Variants in PTPN11 observed in about 807,000 individuals in gnomAD.
PTPN11 encodes the protein tyrosine-protein phosphatase non-receptor type 11.
PTPN11 carries 6 observed loss-of-function variants against 78.8 expected under a neutral mutation model. The observed-to-expected ratio is 0.08, with a 90% CI of 0.04 to 0.15. The LOEUF (loss-of-function observed/expected upper bound fraction) is 0.15, where lower values mean the gene tolerates loss of function less well. PTPN11 is among the 10% of genes least tolerant of loss of function. The pLI is 1.00. For missense variants in PTPN11, 386 were observed against 744.8 expected (o/e 0.52, Z 5.61); for synonymous variants, 221 against 263.5 (o/e 0.84, Z 1.56).
At chr12:112,436,229 CATA>C (rs1416202537) in intron 1 of PTPN11, among the ~76,000 whole-genome samples, 3 of 152,126 alleles carry the variant, frequency 2.0e-5, no homozygotes, top group Non-Finnish European at 2.9e-5. Flanking sequence ...ATTAATGAAA[CATA>C]ATCTATGGTA....
Position 112,457,757 on chromosome 12 carries a change from C to A in PTPN11, c.756+1694C>A, listed in dbSNP as rs183116484. Among the ~76,000 whole-genome samples, 5 of 152,330 alleles carry A rather than the reference C, an allele frequency of 3.3e-5. No homozygotes were observed. In the East Asian group the frequency reaches 9.6e-4, roughly 29 times the overall value. On this transcript the variant is annotated intron_variant, in intron 6 of 15. Transcript: ENST00000351677. The stretch of plus-strand genomic sequence containing the variant: ...GGAGAATGTCCCTGATGGGAATGTG[C>A]TGTGTTCCCATTGCACTCTTCTATA...
At chr12:112,455,842 C>T (rs1424178460) in intron 5 of PTPN11, 108 bp from the exon 6 acceptor site, 33 of 727,470 alleles carry the variant, frequency 4.5e-5, no homozygotes, top group South Asian at 3.9e-4. Context: ...ACCCTCTGTC[C>T]GTGCCTTTAT....
chr12:112,454,885 T>C, intron 5 of PTPN11: 2 of 606,912 alleles, frequency 3.3e-6, no homozygotes, highest in Non-Finnish European at 6.0e-6. Context: ...AGTGTTGCAA[T>C]CTTGGCTCAC....
intron 3 of PTPN11, among the ~76,000 whole-genome samples, chr12:112,451,067 T>G (rs1013864239): frequency 1.3e-5 from 2 of 152,244 alleles, no homozygotes; most frequent in African/African-American, 4.8e-5. Flanking sequence ...GTGTTGGAAC[T>G]AGGCTGATGA....
At chr12:112,471,668 T>C (rs1173958144) in intron 6 of PTPN11, among the ~76,000 whole-genome samples, 1 of 148,450 alleles carries the variant, frequency 6.7e-6, no homozygotes, top group Non-Finnish European at 1.5e-5. Flanking sequence ...GAGAACACAG[T>C]GGGAAAAAAA....
At chr12:112,445,892 G>A (rs1036644206) in intron 1 of PTPN11, among the ~76,000 whole-genome samples, 5 of 151,916 alleles carry the variant, frequency 3.3e-5, no homozygotes, top group African/African-American at 7.3e-5. Flanking sequence ...TGCCTGCCTC[G>A]GCCTCCCAAA....
chr12:112,436,362 A>G (rs931162679), intron 1 of PTPN11, among the ~76,000 whole-genome samples: 1 of 152,162 alleles, frequency 6.6e-6, no homozygotes, highest in African/African-American at 2.4e-5. Context: ...TAATTCATTA[A>G]TTCTCATTTC....
intron 1 of PTPN11, among the ~76,000 whole-genome samples, chr12:112,438,094 G>A (rs1417898438): frequency 3.9e-5 from 6 of 152,080 alleles, no homozygotes; most frequent in African/African-American, 1.2e-4. Flanking sequence ...GTTTCTGGGG[G>A]TGGTTTTAGA....
intron 13 of PTPN11, among the ~76,000 whole-genome samples, chr12:112,493,665 A>G (rs991456976): frequency 1.2e-4 from 19 of 152,262 alleles, no homozygotes; most frequent in Non-Finnish European, 2.5e-4. Flanking sequence ...CTGAGATTAC[A>G]GGCATGAGCC....
chr12:112,472,260 C>CTACA (rs1199581642), intron 6 of PTPN11, among the ~76,000 whole-genome samples: 1 of 152,096 alleles, frequency 6.6e-6, no homozygotes, highest in Non-Finnish European at 1.5e-5. Flanking sequence ...GTAGCTGGGA[C>CTACA]TACAGATGCA....
intron 7 of PTPN11, 54 bp from the exon 8 acceptor site, chr12:112,477,597 T>C: frequency 1.4e-6 from 2 of 1,421,504 alleles, no homozygotes; most frequent in South Asian, 1.2e-5. Flanking sequence ...ATTTGAACTG[T>C]TTTTTCCTGA....
intron 6 of PTPN11, among the ~76,000 whole-genome samples, chr12:112,465,997 A>G (rs761456261): frequency 5.3e-5 from 8 of 152,216 alleles, no homozygotes; most frequent in Non-Finnish European, 8.8e-5. Flanking sequence ...CTGATTGAAC[A>G]CCGACTGTAT....
chr12:112,450,201 C>T (rs529484564), intron 2 of PTPN11, 117 bp from the exon 3 acceptor site: 15 of 906,058 alleles, frequency 1.7e-5, no homozygotes, highest in Middle Eastern at 2.2e-4. Context: ...TAGGTAAATT[C>T]GTTCCTTGGG....
chr12:112,460,921 C>A (rs1236069761), intron 6 of PTPN11, among the ~76,000 whole-genome samples: 6 of 152,080 alleles, frequency 3.9e-5, no homozygotes, highest in Non-Finnish European at 7.4e-5. Flanking sequence ...TGTCTTCCTT[C>A]CCCCTCTCCC....
At chr12:112,423,854 C>T (rs1424009063) in intron 1 of PTPN11, among the ~76,000 whole-genome samples, 1 of 151,258 alleles carries the variant, frequency 6.6e-6, no homozygotes, top group Non-Finnish European at 1.5e-5. Context: ...TCAAGTGATC[C>T]TCCCATCTCA....
chr12:112,454,720 T>G (rs370611599), intron 5 of PTPN11, 40 bp downstream of exon 5: 19 of 1,462,752 alleles, frequency 1.3e-5, no homozygotes, highest in Non-Finnish European at 1.7e-5. Flanking sequence ...CCTTAAAAAC[T>G]TAAAACAAAT....
chr12:112,452,417 G>C (rs1218503670), intron 3 of PTPN11, among the ~76,000 whole-genome samples: 1 of 152,040 alleles, frequency 6.6e-6, no homozygotes, highest in African/African-American at 2.4e-5. Context: ...GCAGAGACAG[G>C]GTTTCACCAT....
At chr12:112,441,953 A>G (rs754333106) in intron 1 of PTPN11, among the ~76,000 whole-genome samples, 4 of 151,178 alleles carry the variant, frequency 2.6e-5, no homozygotes, top group African/African-American at 4.9e-5. Context: ...ATTTTTTTGC[A>G]TTTTTAGTAG....
chr12:112,439,243 C>A lies in PTPN11; in HGVS notation c.15-7033C>A, dbSNP rs79459008. 7.8e-3 allele frequency among the ~76,000 whole-genome samples: 1,186 copies of A among 152,220 alleles called. 15 individuals carry two copies. The highest frequency in any genetic ancestry group is 0.026 in the African/African-American group (1,093 of 41,544). On this transcript the variant is annotated intron_variant, in intron 1 of 15. Coordinates refer to ENST00000351677, the MANE Select transcript of PTPN11 (RefSeq NM_002834.5). Reference sequence around the variant, plus strand: ...CATGTGTTAGTGATTCTCAGCCTGTCATTTGGGGAGGGGATTGCCCTTTTT... The same window carrying A: ...CATGTGTTAGTGATTCTCAGCCTGTAATTTGGGGAGGGGATTGCCCTTTTT...
Sources: gnomAD v4.1 joint callset for allele counts (sites outside exome capture counted in the v4.1 genomes callset) on GRCh38, gnomAD v4.1.1 for gene constraint, MANE v1.5 for transcripts, NCBI Gene and HGNC (gene_info 2026-07-23, HGNC 2026-07-21) for gene names.